The following ARB2A variants were observed in gnomAD, a reference collection of about 807,000 sequenced individuals.
ARB2A encodes the protein cotranscriptional regulator ARB2A.
the ARB2A span, among the ~76,000 whole-genome samples, chr5:94,012,551 G>C: frequency 6.6e-6 from 1 of 152,204 alleles, no homozygotes; most frequent in African/African-American, 2.4e-5. Flanking sequence ...AACTGGAACA[G>C]AGCTGAGTTG....
the ARB2A span, among the ~76,000 whole-genome samples, chr5:94,071,148 A>T: frequency 2.6e-5 from 4 of 152,104 alleles, no homozygotes; most frequent in Non-Finnish European, 5.9e-5. Flanking sequence ...ACAAATGTCT[A>T]ACATTTGGCA....
the ARB2A span, among the ~76,000 whole-genome samples, chr5:93,717,460 T>A: frequency 1.4e-5 from 2 of 144,898 alleles, no homozygotes; most frequent in African/African-American, 5.2e-5. Context: ...TTTTTTTTTT[T>A]AAAGTAAAGG....
chr5:93,971,751 T>G, the ARB2A span, among the ~76,000 whole-genome samples: 1 of 152,168 alleles, frequency 6.6e-6, no homozygotes, highest in East Asian at 1.9e-4. Flanking sequence ...GTATTCAGTA[T>G]GTAACTGAAT....
At chr5:93,755,845 C>G in the ARB2A span, among the ~76,000 whole-genome samples, 1 of 152,192 alleles carries the variant, frequency 6.6e-6, no homozygotes, top group African/African-American at 2.4e-5. Context: ...TCTAGCTGAA[C>G]TTTCTAACAA....
the ARB2A span, chr5:93,784,506 T>C: frequency 6.2e-7 from 1 of 1,605,782 alleles, no homozygotes; most frequent in Non-Finnish European, 8.5e-7. Flanking sequence ...TCATCTGTTT[T>C]AAAAAAGGAA....
chr5:94,041,381 T>C, the ARB2A span, among the ~76,000 whole-genome samples: 2 of 152,108 alleles, frequency 1.3e-5, no homozygotes, highest in Non-Finnish European at 2.9e-5. Flanking sequence ...GTGGCCGTGC[T>C]TTCTCTTTTC....
chr5:93,740,906 G>A, the ARB2A span: 29 of 1,613,958 alleles, frequency 1.8e-5, no homozygotes, highest in South Asian at 2.7e-4. Flanking sequence ...TTTCCGATTC[G>A]TCGCTCTCTG....
At chr5:93,962,765 C>T in the ARB2A span, among the ~76,000 whole-genome samples, 1 of 151,970 alleles carries the variant, frequency 6.6e-6, no homozygotes, top group African/African-American at 2.4e-5. Context: ...TTTAAGTTTA[C>T]AAAATAAGGG....
the ARB2A span, among the ~76,000 whole-genome samples, chr5:93,746,948 T>C: frequency 1.3e-5 from 2 of 152,172 alleles, no homozygotes; most frequent in East Asian, 3.9e-4. Context: ...ACAAACTTTT[T>C]AGCTGAGTTT....
chr5:93,670,313 A>C, the ARB2A span, among the ~76,000 whole-genome samples: 1 of 152,182 alleles, frequency 6.6e-6, no homozygotes, highest in Admixed American at 6.5e-5. Context: ...CTGTACTTAC[A>C]AGAAAATAAA....
At chr5:93,872,446 A>G in the ARB2A span, among the ~76,000 whole-genome samples, 10 of 152,170 alleles carry the variant, frequency 6.6e-5, no homozygotes, top group Non-Finnish European at 1.5e-4. Context: ...TATCATATTT[A>G]TGACAGACCC....
the ARB2A span, among the ~76,000 whole-genome samples, chr5:93,801,595 C>A: frequency 1.3e-5 from 2 of 152,056 alleles, no homozygotes; most frequent in Non-Finnish European, 2.9e-5. Flanking sequence ...TTAGACTTTA[C>A]ATGTATATAA....
the ARB2A span, among the ~76,000 whole-genome samples, chr5:93,919,414 G>T: frequency 1.3e-5 from 2 of 151,952 alleles, no homozygotes; most frequent in African/African-American, 4.8e-5. Context: ...GAATATTTTG[G>T]TAAAGTAGAT....
the ARB2A span, among the ~76,000 whole-genome samples, chr5:93,903,867 G>A: frequency 6.6e-6 from 1 of 151,872 alleles, no homozygotes; most frequent in African/African-American, 2.4e-5. Context: ...GATATGATTA[G>A]TTCACTGATT....
the ARB2A span, among the ~76,000 whole-genome samples, chr5:94,110,702 G>T: frequency 1.3e-5 from 2 of 152,170 alleles, no homozygotes; most frequent in Non-Finnish European, 2.9e-5. Context: ...TATATGGCAT[G>T]CGTTAATGCA....
the ARB2A span, among the ~76,000 whole-genome samples, chr5:93,870,662 G>C: frequency 6.6e-6 from 1 of 152,166 alleles, no homozygotes; most frequent in East Asian, 1.9e-4. Flanking sequence ...AACTGCCTGT[G>C]ACTTAGCACC....
At chr5:94,061,344 C>T in the ARB2A span, among the ~76,000 whole-genome samples, 1 of 152,198 alleles carries the variant, frequency 6.6e-6, no homozygotes, top group African/African-American at 2.4e-5. Context: ...AAAAAACTTA[C>T]AACTAACGTA....
At chr5:93,739,996 G>GAAAAAAAAA in the ARB2A span, 1 of 62,902 alleles carries the variant, frequency 1.6e-5, no homozygotes. Flanking sequence ...AGGTAAATCA[G>GAAAAAAAAA]AAAAAAAAAA....
chr5:93,785,919 A>G, the ARB2A span, among the ~76,000 whole-genome samples: 1 of 152,192 alleles, frequency 6.6e-6, no homozygotes, highest in Non-Finnish European at 1.5e-5. Context: ...TCATTGGATC[A>G]CATTGGCACT....
Sources: gnomAD v4.1 joint callset for allele counts (sites outside exome capture counted in the v4.1 genomes callset) on GRCh38, gnomAD v4.1.1 for gene constraint, MANE v1.5 for transcripts, NCBI Gene and HGNC (gene_info 2026-07-23, HGNC 2026-07-21) for gene names.